The following PLD5 variants were observed in gnomAD, a reference collection of about 807,000 sequenced individuals.
PLD5 encodes phospholipase D family member 5.
PLD5 carries 36 observed loss-of-function variants against 61.1 expected under a neutral mutation model. The observed-to-expected ratio is 0.59, with a 90% confidence interval of 0.45 to 0.78. The LOEUF is 0.78. Ranked by LOEUF, PLD5 falls within the 30% of genes least tolerant of loss-of-function variation. The pLI, the probability that PLD5 is intolerant of heterozygous loss-of-function variation, is 0.00. For synonymous variants in PLD5, 243 were observed against 242.8 expected (o/e 1.00, Z -0.01); for missense variants, 515 against 644.4 (o/e 0.80, Z 2.17).
intron 4 of PLD5, among the ~76,000 whole-genome samples, chr1:242,235,289 T>A (rs563955000): frequency 6.6e-6 from 1 of 152,324 alleles, no homozygotes; most frequent in Admixed American, 6.5e-5. Context: ...CCTTTAGTAT[T>A]CCCTTCATAA....
intron 3 of PLD5, among the ~76,000 whole-genome samples, chr1:242,273,442 C>T (rs565160074): frequency 1.4e-4 from 21 of 152,084 alleles, no homozygotes; most frequent in East Asian, 5.8e-4. Flanking sequence ...AGGTTTAATC[C>T]GGCACATATG....
At chr1:242,163,975 G>T (rs1666104364) in intron 5 of PLD5, among the ~76,000 whole-genome samples, 2 of 152,054 alleles carry the variant, frequency 1.3e-5, no homozygotes, top group South Asian at 2.1e-4. Flanking sequence ...GTCTATAAGT[G>T]ATTTCATCCT....
intron 1 of PLD5, among the ~76,000 whole-genome samples, chr1:242,483,805 G>A (rs923324334): frequency 6.6e-6 from 1 of 152,158 alleles, no homozygotes; most frequent in African/African-American, 2.4e-5. Context: ...CCACATAGGT[G>A]GAAGTAAAGC....
intron 6 of PLD5, among the ~76,000 whole-genome samples, chr1:242,118,129 T>G (rs1013613277): frequency 3.3e-5 from 5 of 152,182 alleles, no homozygotes; most frequent in Non-Finnish European, 7.3e-5. Flanking sequence ...GGCCATAATT[T>G]AGAGGAAAGA....
chr1:242,189,980 T>G (rs186471024), intron 5 of PLD5, among the ~76,000 whole-genome samples: 2 of 151,872 alleles, frequency 1.3e-5, no homozygotes, highest in East Asian at 3.9e-4. Context: ...GAATGGAGTA[T>G]ATTGTGAAGA....
chr1:242,494,079 C>CCCTCCCTTCCCCTCTCCTCCCCTCT (rs1668272159), intron 1 of PLD5, among the ~76,000 whole-genome samples: 1 of 104,726 alleles, frequency 9.5e-6, no homozygotes, highest in African/African-American at 3.8e-5. Flanking sequence ...CACTCCCCTC[C>CCCTCCCTTCCCCTCTCCTCCCCTCT]CCTGCCCTCC....
chr1:242,112,742 T>C (rs1661628403), intron 7 of PLD5, among the ~76,000 whole-genome samples: 1 of 152,200 alleles, frequency 6.6e-6, no homozygotes, highest in Non-Finnish European at 1.5e-5. Flanking sequence ...CAGTAAATGC[T>C]TATTTTGAAA....
At position 242,524,300 on chromosome 1, in the gene PLD5, G is replaced by A; in HGVS notation, c.-24C>T. 3 of 1,381,298 alleles carry A rather than the reference G, an allele frequency of 2.2e-6. No homozygotes were observed. Among genetic ancestry groups the A allele is most frequent in the South Asian group, 1.6e-5 (1 of 61,126 alleles). The allele number at this position is 1,381,298 out of a possible 1,614,324, so 85.6% of individuals were successfully genotyped here. On this transcript the variant is annotated 5_prime_UTR_variant, in exon 1 of 10. Transcript: ENST00000536534. ...ATCCTGACATGACCGGGCGGCCGCC[G>A]GCGAGCAGCGGACTCGGGACGGGCG...
At chr1:242,444,271 C>T (rs1666404376) in intron 1 of PLD5, among the ~76,000 whole-genome samples, 3 of 152,146 alleles carry the variant, frequency 2.0e-5, no homozygotes, top group South Asian at 4.1e-4. Flanking sequence ...CACAATACTT[C>T]TTTTTCCAAT....
intron 1 of PLD5, among the ~76,000 whole-genome samples, chr1:242,382,562 G>A (rs931987650): frequency 1.3e-5 from 2 of 152,134 alleles, no homozygotes; most frequent in Non-Finnish European, 2.9e-5. Flanking sequence ...AATCAAGAAA[G>A]AGAAGTGCCT....
chr1:242,212,986 T>C (rs1363429413), intron 5 of PLD5, among the ~76,000 whole-genome samples: 1 of 152,138 alleles, frequency 6.6e-6, no homozygotes, highest in Non-Finnish European at 1.5e-5. Context: ...AACCATCAAA[T>C]AGTCCTTGGA....
upstream of PLD5, among the ~76,000 whole-genome samples, chr1:242,524,992 G>A (rs1013081963): frequency 6.6e-6 from 1 of 152,084 alleles, no homozygotes; most frequent in Non-Finnish European, 1.5e-5. Flanking sequence ...GATGGCTCCG[G>A]AGGGAGACAC....
At chr1:242,486,836 A>G (rs1414479251) in intron 1 of PLD5, among the ~76,000 whole-genome samples, 1 of 152,194 alleles carries the variant, frequency 6.6e-6, no homozygotes, top group African/African-American at 2.4e-5. Context: ...GATAGACTGG[A>G]TTAAGAAAAT....
At chr1:242,367,027 G>T (rs536767775) in intron 1 of PLD5, among the ~76,000 whole-genome samples, 5 of 152,186 alleles carry the variant, frequency 3.3e-5, no homozygotes, top group African/African-American at 1.2e-4. Context: ...ATGTGGTACA[G>T]AGGGCATCTT....
intron 1 of PLD5, among the ~76,000 whole-genome samples, chr1:242,504,182 C>G (rs1376686301): frequency 3.3e-5 from 5 of 152,046 alleles, no homozygotes; most frequent in Admixed American, 3.3e-4. Flanking sequence ...GTTCGATGCA[C>G]CAATGAAGGG....
intron 1 of PLD5, among the ~76,000 whole-genome samples, chr1:242,478,069 TAAAGCACATTTC>T (rs1667653842): frequency 6.6e-6 from 1 of 152,210 alleles, no homozygotes; most frequent in Non-Finnish European, 1.5e-5. Context: ...ATATGTTCTT[TAAAGCACATTTC>T]AAAGCACATA....
At chr1:242,425,105 C>G (rs751000183) in intron 1 of PLD5, among the ~76,000 whole-genome samples, 2 of 152,148 alleles carry the variant, frequency 1.3e-5, no homozygotes, top group Non-Finnish European at 1.5e-5. Context: ...GCACTCCAGC[C>G]TGGGAGGCAG....
At chr1:242,419,819 T>C (rs1665040492) in intron 1 of PLD5, among the ~76,000 whole-genome samples, 1 of 152,148 alleles carries the variant, frequency 6.6e-6, no homozygotes, top group African/African-American at 2.4e-5. Context: ...ACCACATTCT[T>C]ATGTTTCAAA....
intron 4 of PLD5, among the ~76,000 whole-genome samples, chr1:242,220,989 G>C (rs1052219829): frequency 6.6e-6 from 1 of 152,012 alleles, no homozygotes; most frequent in Non-Finnish European, 1.5e-5. Flanking sequence ...CACTCGCCTC[G>C]GCCTTCCAAA....
Sources: gnomAD v4.1 joint callset for allele counts (sites outside exome capture counted in the v4.1 genomes callset) on GRCh38, gnomAD v4.1.1 for gene constraint, MANE v1.5 for transcripts, NCBI Gene and HGNC (gene_info 2026-07-23, HGNC 2026-07-21) for gene names.